The following ZPBP variants were observed in gnomAD, a reference collection of about 807,000 sequenced individuals.
ZPBP encodes zona pellucida-binding protein 1.
ZPBP carries 26 observed loss-of-function variants against 44.8 expected under a neutral mutation model. The observed-to-expected ratio is 0.58, with a 90% CI of 0.43 to 0.81. ZPBP has a LOEUF of 0.81. Ranked by LOEUF, ZPBP falls within the 30% of genes least tolerant of loss-of-function variation. The probability of loss-of-function intolerance (pLI) is 0.00; values close to 1 mark genes in which losing one functional copy is unlikely to be tolerated. For missense variants in ZPBP, 409 were observed against 434.0 expected (o/e 0.94, Z 0.51); for synonymous variants, 174 against 153.2 (o/e 1.14, Z -1.00).
At chr7:49,899,187 C>A (rs1792571541) in intron 2 of ZPBP, among the ~76,000 whole-genome samples, 1 of 151,924 alleles carries the variant, frequency 6.6e-6, no homozygotes, top group Non-Finnish European at 1.5e-5. Context: ...TAGTATTGAA[C>A]CCTATACATA....
At chr7:49,928,470 T>A (rs1308100097) in intron 1 of ZPBP, among the ~76,000 whole-genome samples, 2 of 152,204 alleles carry the variant, frequency 1.3e-5, no homozygotes, top group Non-Finnish European at 2.9e-5. Context: ...GAGCCTTATC[T>A]ATTGATATTT....
chr7:49,875,778 T>G (rs2128725013), intron 2 of ZPBP, among the ~76,000 whole-genome samples: 1 of 152,242 alleles, frequency 6.6e-6, no homozygotes, highest in East Asian at 1.9e-4. Context: ...GCCATAGTAG[T>G]GCAACCAAAA....
At chr7:49,956,577 T>C (rs1026025725) in intron 7 of ZPBP, among the ~76,000 whole-genome samples, 1 of 151,938 alleles carries the variant, frequency 6.6e-6, no homozygotes, top group African/African-American at 2.4e-5. Flanking sequence ...TACATGAATC[T>C]AACAACCATG....
intron 3 of ZPBP, among the ~76,000 whole-genome samples, chr7:50,069,363 T>C (rs796837767): frequency 1.3e-5 from 2 of 152,140 alleles, no homozygotes; most frequent in Non-Finnish European, 2.9e-5. Flanking sequence ...CTCTGTGACT[T>C]TCCCTTTAAC....
intron 4 of ZPBP, among the ~76,000 whole-genome samples, chr7:50,046,930 TG>T (rs1800399721): frequency 6.6e-6 from 1 of 151,906 alleles, no homozygotes; most frequent in South Asian, 2.1e-4. Context: ...ATAAAGAAAA[TG>T]TGGCATACGC....
In ZPBP at chr7:50,083,607, T is replaced by C. The variant is rs558992338; in HGVS notation, c.209-1708A>G. ...AGCAATAAGAGTTACTGAGATATAT[T>C]AACATTTACACTAAATAAAAAAAGA... On this transcript the variant is annotated intron_variant, in intron 2 of 7. Coordinates refer to ENST00000046087, the MANE Select transcript of ZPBP (RefSeq NM_007009.3). Among the ~76,000 whole-genome samples the C allele has an allele frequency of 4.6e-5, 7 of 151,994 alleles. 1 individual carries two copies. In the South Asian group the frequency reaches 1.0e-3, roughly 23 times the overall value.
chr7:49,964,164 T>TA (rs1049090384), intron 7 of ZPBP, among the ~76,000 whole-genome samples: 32 of 152,006 alleles, frequency 2.1e-4, no homozygotes, highest in Middle Eastern at 3.4e-3. Context: ...AAGGGTATCT[T>TA]AAAAAATTTA....
chr7:49,980,775 A>G (rs2128777899), intron 7 of ZPBP, among the ~76,000 whole-genome samples: 1 of 152,194 alleles, frequency 6.6e-6, no homozygotes, highest in East Asian at 1.9e-4. Flanking sequence ...ACATCCCAAC[A>G]TTGCCACACT....
At chr7:49,853,599 A>G (rs1453251212) in intron 2 of ZPBP, among the ~76,000 whole-genome samples, 1 of 152,166 alleles carries the variant, frequency 6.6e-6, no homozygotes, top group East Asian at 1.9e-4. Flanking sequence ...GAATTTACAT[A>G]AAGTATGTTT....
At chr7:50,025,549 T>C (rs1452902297) in intron 5 of ZPBP, among the ~76,000 whole-genome samples, 1 of 151,862 alleles carries the variant, frequency 6.6e-6, no homozygotes, top group Non-Finnish European at 1.5e-5. Flanking sequence ...TATAGTCATT[T>C]AAAAAATGAT....
intron 7 of ZPBP, among the ~76,000 whole-genome samples, chr7:49,967,734 T>C (rs1796118965): frequency 2.0e-5 from 3 of 152,020 alleles, no homozygotes; most frequent in South Asian, 4.1e-4. Context: ...TTAGTAGAGA[T>C]GGGGTTTCTC....
At chr7:49,914,540 A>G (rs1793618947) in intron 1 of ZPBP, 1 of 152,246 alleles carries the variant, frequency 6.6e-6, no homozygotes, top group Non-Finnish European at 1.5e-5. Flanking sequence ...CCTCATAGAA[A>G]TAATGCATAA....
chr7:49,897,062 A>AT (rs1350880161), intron 2 of ZPBP, among the ~76,000 whole-genome samples: 8 of 151,476 alleles, frequency 5.3e-5, no homozygotes, highest in African/African-American at 1.7e-4. Context: ...CGCCCGGCTA[A>AT]TTTTTTGTAT....
intron 2 of ZPBP, among the ~76,000 whole-genome samples, chr7:50,088,710 C>T (rs1802793978): frequency 6.6e-6 from 1 of 151,758 alleles, no homozygotes; most frequent in South Asian, 2.1e-4. Context: ...CACAATGATA[C>T]CAGTTTACAC....
chr7:49,981,454 TATA>T (rs376019803), intron 7 of ZPBP, among the ~76,000 whole-genome samples: 39,303 of 74,092 alleles, frequency 0.53, 10,484 homozygotes, highest in East Asian at 0.73. Context: ...ATTATGTACA[TATA>T]ATAATATATA....
chr7:49,962,279 A>G (rs1329204248), intron 7 of ZPBP, among the ~76,000 whole-genome samples: 1 of 151,924 alleles, frequency 6.6e-6, no homozygotes, highest in African/African-American at 2.4e-5. Context: ...TAAAAATTAA[A>G]AATATATTTT....
At chr7:50,005,249 T>G (rs1402592527) in intron 6 of ZPBP, among the ~76,000 whole-genome samples, 1 of 152,012 alleles carries the variant, frequency 6.6e-6, no homozygotes, top group East Asian at 1.9e-4. Context: ...GGAAGTTAAT[T>G]ACCACCAGCA....
At chr7:50,085,276 G>A (rs1324923399) in intron 2 of ZPBP, among the ~76,000 whole-genome samples, 3 of 152,094 alleles carry the variant, frequency 2.0e-5, no homozygotes, top group Admixed American at 6.6e-5. Context: ...AACCAACTCT[G>A]CCAATACTTT....
At chr7:49,959,200 T>C (rs1379506241) in intron 7 of ZPBP, among the ~76,000 whole-genome samples, 1 of 151,200 alleles carries the variant, frequency 6.6e-6, no homozygotes, top group Non-Finnish European at 1.5e-5. Flanking sequence ...AGGGCAAGAA[T>C]GCCTTCTTTT....
Sources: gnomAD v4.1 joint callset for allele counts (sites outside exome capture counted in the v4.1 genomes callset) on GRCh38, gnomAD v4.1.1 for gene constraint, MANE v1.5 for transcripts, NCBI Gene and HGNC (gene_info 2026-07-23, HGNC 2026-07-21) for gene names.